The following BNC2 variants were observed in gnomAD, a reference collection of about 807,000 sequenced individuals.
BNC2 encodes the protein zinc finger protein basonuclin-2.
BNC2 carries 20 observed loss-of-function variants against 76.3 expected under a neutral mutation model. The ratio of observed to expected loss-of-function variants is 0.26; its 90% confidence interval spans 0.18 to 0.38. The LOEUF is 0.38. Ranked by LOEUF, BNC2 falls within the 10% of genes least tolerant of loss-of-function variation. BNC2 has a pLI of 1.00. For missense variants in BNC2, 1,382 were observed against 1,399.8 expected, an observed-to-expected ratio of 0.99 and a Z score of 0.20; for synonymous variants, 582 against 514.8, an observed-to-expected ratio of 1.13 and a Z score of -1.77.
chr9:16,730,474 G>A (rs184609583), intron 2 of BNC2, among the ~76,000 whole-genome samples: 77 of 152,284 alleles, frequency 5.1e-4, no homozygotes, highest in African/African-American at 7.7e-4. Context: ...GCACAGCTCC[G>A]TAACTAAATG....
At chr9:16,725,450 C>T (rs1164292062) in intron 3 of BNC2, among the ~76,000 whole-genome samples, 2 of 151,924 alleles carry the variant, frequency 1.3e-5, no homozygotes, top group Admixed American at 6.6e-5. Context: ...AAGAGGTAAA[C>T]ATTCAGTGAC....
chr9:16,770,179 A>G (rs1433992041), intron 1 of BNC2, among the ~76,000 whole-genome samples: 1 of 152,172 alleles, frequency 6.6e-6, no homozygotes, highest in Non-Finnish European at 1.5e-5. Context: ...AAATCTCAGA[A>G]TGCGAGGCAC....
At chr9:16,461,769 C>G in intron 5 of BNC2, among the ~76,000 whole-genome samples, 1 of 152,122 alleles carries the variant, frequency 6.6e-6, no homozygotes, top group East Asian at 1.9e-4. Flanking sequence ...TTTTACATAC[C>G]TACTGTGTCA....
chr9:16,600,788 A>G (rs866057111), intron 3 of BNC2, among the ~76,000 whole-genome samples: 86 of 152,268 alleles, frequency 5.6e-4, no homozygotes, highest in Middle Eastern at 3.4e-3. Flanking sequence ...AGGGTTATAC[A>G]TGAATAAAGT....
intron 1 of BNC2, among the ~76,000 whole-genome samples, chr9:16,821,322 T>G (rs1818324281): frequency 6.6e-6 from 1 of 152,084 alleles, no homozygotes; most frequent in Non-Finnish European, 1.5e-5. Flanking sequence ...CCTCTGAAAT[T>G]TTGATATTAC....
chr9:16,783,921 T>C (rs2135573525), intron 1 of BNC2, among the ~76,000 whole-genome samples: 1 of 152,318 alleles, frequency 6.6e-6, no homozygotes, highest in East Asian at 1.9e-4. Flanking sequence ...AAAATATCGA[T>C]ACATATATGA....
intron 5 of BNC2, among the ~76,000 whole-genome samples, chr9:16,543,459 T>C (rs1818384894): frequency 6.6e-6 from 1 of 152,220 alleles, no homozygotes; most frequent in African/African-American, 2.4e-5. Flanking sequence ...TCTGAACTGA[T>C]TCTTATCAAA....
intron 4 of BNC2, among the ~76,000 whole-genome samples, chr9:16,579,284 ATTTT>A (rs901466512): frequency 6.7e-6 from 1 of 149,326 alleles, no homozygotes; most frequent in Non-Finnish European, 1.5e-5. Flanking sequence ...TTAATTTATT[ATTTT>A]TTTTTTATTT....
At chr9:16,758,599 G>A (rs1825461904) in intron 1 of BNC2, among the ~76,000 whole-genome samples, 1 of 152,132 alleles carries the variant, frequency 6.6e-6, no homozygotes, top group South Asian at 2.1e-4. Flanking sequence ...AAGGTGCTGA[G>A]ATTACGGGCA....
chr9:16,753,631 C>T (rs1825286827), intron 1 of BNC2, among the ~76,000 whole-genome samples: 1 of 152,334 alleles, frequency 6.6e-6, no homozygotes, highest in East Asian at 1.9e-4. Flanking sequence ...ACGGGTAAGT[C>T]TTACATGTAC....
chr9:16,721,469 T>C (rs868058497), intron 3 of BNC2, among the ~76,000 whole-genome samples: 1 of 152,098 alleles, frequency 6.6e-6, no homozygotes, highest in Non-Finnish European at 1.5e-5. Flanking sequence ...AAAAATGGCA[T>C]CAGCTTTGGC....
chr9:16,436,072 C>T lies in BNC2; in HGVS notation c.2122G>A (p.Ala708Thr), dbSNP rs530094980. 8 of 1,614,150 alleles carry T rather than the reference C, an allele frequency of 5.0e-6. No homozygotes were observed. The South Asian group carries it at 5.5e-5, about 11-fold the overall frequency. Residue 708 changes from alanine to threonine, a missense_variant, in exon 6 of 7, where the codon GCC becomes ACC. By Grantham distance (58) the Ala-to-Thr change is moderately conservative. Coordinates refer to ENST00000380672, the MANE Select transcript of BNC2 (RefSeq NM_017637.6). ...RCISRTEIRR[A>T]DSMTSEDQEP... ...TGGTCTTCAGAAGTCATGCTGTCGG[C>T]CCTCCTTATTTCAGTCCTTGAAATG...
chr9:16,600,950 G>A (rs1820228197), intron 3 of BNC2, among the ~76,000 whole-genome samples: 1 of 152,144 alleles, frequency 6.6e-6, no homozygotes, highest in Non-Finnish European at 1.5e-5. Context: ...ATGTGAAAGT[G>A]CCTCTTGCTT....
chr9:16,791,510 G>T (rs1817510856), intron 1 of BNC2, among the ~76,000 whole-genome samples: 2 of 152,178 alleles, frequency 1.3e-5, no homozygotes, highest in South Asian at 4.1e-4. Flanking sequence ...AATTATTTTA[G>T]AATGAACTGG....
rs1471047351 is a variant in BNC2 at position 16,776,901 on chromosome 9, G to A, written c.4-38416C>T. ...AGCACTTTGGGAGTCCAAGGTGGGC[G>A]GATCACCTGAGGTCAGGAGTTCGAG... On this transcript the variant is annotated intron_variant, in intron 1 of 6. Transcript: ENST00000380672. Among the ~76,000 whole-genome samples, 11 of 151,942 alleles carry A rather than the reference G, an allele frequency of 7.2e-5. No individual in the cohort carries two copies. In the East Asian group the frequency reaches 9.7e-4, roughly 13 times the overall value.
chr9:16,432,772 G>A (rs367745777), intron 6 of BNC2, among the ~76,000 whole-genome samples: 1 of 152,154 alleles, frequency 6.6e-6, no homozygotes, highest in African/African-American at 2.4e-5. Context: ...GACAAAGGAG[G>A]GTTTCTGTTT....
chr9:16,619,800 A>T (rs1316717644), intron 3 of BNC2, among the ~76,000 whole-genome samples: 1 of 152,214 alleles, frequency 6.6e-6, no homozygotes, highest in Non-Finnish European at 1.5e-5. Flanking sequence ...GGCACTGTAT[A>T]GATCACTGAA....
chr9:16,834,578 G>C (rs560454574), intron 1 of BNC2, among the ~76,000 whole-genome samples: 9 of 152,164 alleles, frequency 5.9e-5, no homozygotes, highest in African/African-American at 2.2e-4. Flanking sequence ...TACTTCCTTA[G>C]AGTACTCAGG....
chr9:16,636,430 G>A (rs901939839), intron 3 of BNC2, among the ~76,000 whole-genome samples: 1 of 151,958 alleles, frequency 6.6e-6, no homozygotes, highest in African/African-American at 2.4e-5. Context: ...AGCCTCCCAA[G>A]TAGCTGGGAC....
Sources: allele counts gnomAD v4.1 joint callset (sites outside exome capture counted in the v4.1 genomes callset), GRCh38; gene constraint gnomAD v4.1.1; transcripts MANE v1.5; gene names NCBI Gene and HGNC (gene_info 2026-07-23, HGNC 2026-07-21).